The following RARG variants were observed in gnomAD, a reference collection of about 807,000 sequenced individuals.
RARG encodes the protein retinoic acid receptor gamma.
RARG carries 17 observed loss-of-function variants against 43.7 expected under a neutral mutation model. The observed-to-expected ratio is 0.39, with a 90% CI of 0.27 to 0.58. The LOEUF (loss-of-function observed/expected upper bound fraction) is 0.58. Ranked by LOEUF, RARG falls within the 20% of genes least tolerant of loss-of-function variation. The pLI is 0.57. For synonymous variants in RARG, 238 were observed against 236.4 expected (o/e 1.01, Z -0.06); for missense variants, 346 against 598.7 (o/e 0.58, Z 4.40).
chr12:53,231,869 G>C, intron 1 of RARG, 105 bp downstream of exon 1: 1 of 390,518 alleles, frequency 2.6e-6, no homozygotes, highest in Non-Finnish European at 4.5e-6. Context: ...GGCCAGCCTC[G>C]GGAGGGCATT....
rs1171720319 is a variant in RARG, at chr12:53,213,303, C to G, written c.1019-60G>C. On this transcript the variant is annotated intron_variant, in intron 8 of 9. Transcript: ENST00000425354. The surrounding 1 kb of genome is among the most constrained non-coding windows in gnomAD (Gnocchi z 4.7). ...GGAAGAGATGGGGAAGACACAGTGA[C>G]AGATGGCTGATCACCAACCGGCGTT... 1 of 1,505,388 alleles carries G rather than the reference C, an allele frequency of 6.6e-7. No homozygotes were observed. The highest frequency in any genetic ancestry group is 9.2e-7 in the Non-Finnish European group (1 of 1,091,260). 93.3% of individuals were successfully genotyped at this position (1,505,388 alleles called of 1,614,324 possible). A position where few individuals can be genotyped will look rare whatever the true frequency, so the allele number is the denominator to read the frequency against.
At chr12:53,216,865 T>C (rs556293347) in intron 3 of RARG, among the ~76,000 whole-genome samples, 2 of 147,924 alleles carry the variant, frequency 1.4e-5, no homozygotes, top group East Asian at 2.0e-4. Context: ...CGCGCGCGTG[T>C]GGTTGGTCTT....
Position 53,228,865 on chromosome 12 carries a change from G to A in RARG, c.-142-1178C>T, listed in dbSNP as rs377138802. On this transcript the variant is annotated intron_variant, in intron 2 of 9. Coordinates refer to ENST00000425354, the MANE Select transcript of RARG (RefSeq NM_000966.6). ...CTGGGATTACAGGCGTGAGCGACAC[G>A]CCCGGGCATTCTGCCTCCTTTTCTT... Among the ~76,000 whole-genome samples, 17 of 152,146 alleles carry A rather than the reference G, an allele frequency of 1.1e-4. 1 individual carries two copies. In the South Asian group the frequency reaches 2.1e-3, roughly 19 times the overall value.
chr12:53,211,862 T>C lies in RARG; in HGVS notation c.1179A>G (p.Gly393=). The change falls in exon 10 of 10, where the codon GGA becomes GGG. Residue 393 remains glycine, a splice_region_variant and synonymous_variant. Coordinates refer to ENST00000425354, the MANE Select transcript of RARG (RefSeq NM_000966.6). This position sits in a 1 kb window ranked among gnomAD's most constrained non-coding sequence, Gnocchi z 4.6. ...TCTTCAGAGTAATGGCCCTTTCAGC[T>C]CCTACAATGGAGAGAGAAAGAGAGA... ...ITDLRGISTK[G]AERAITLKME... is the part of the protein sequence containing the mutation. 1 of 1,451,482 alleles carries C rather than the reference T, an allele frequency of 6.9e-7. No individual in the cohort carries two copies. Among genetic ancestry groups the C allele is most frequent in the Non-Finnish European group, 9.2e-7 (1 of 1,090,068 alleles). The allele number at this position is 1,451,482 out of a possible 1,614,324, so 89.9% of individuals were successfully genotyped here. A position where few individuals can be genotyped will look rare whatever the true frequency, so the allele number is the denominator to read the frequency against.
intron 3 of RARG, among the ~76,000 whole-genome samples, chr12:53,219,400 C>A (rs997690264): frequency 7.2e-5 from 11 of 152,194 alleles, no homozygotes; most frequent in Non-Finnish European, 1.3e-4. Flanking sequence ...ACCGCCCCCG[C>A]AGCCACGCAG....
intron 3 of RARG, among the ~76,000 whole-genome samples, chr12:53,217,909 T>C (rs886971333): frequency 4.6e-5 from 7 of 152,106 alleles, no homozygotes; most frequent in Non-Finnish European, 8.8e-5. Context: ...GGACTCACAA[T>C]CTAGCACACA....
chr12:53,215,684 C>T lies in RARG; in HGVS notation c.295G>A (p.Gly99Ser). ...CAAGAGCTGACCCCATAGTGGTAGC[C>T]AGAGGACTTGTCATTGCACACGAAG... Reference protein sequence around the residue: ...PCFVCNDKSSGYHYGVSSCEG... With the variant: ...PCFVCNDKSSSYHYGVSSCEG... Residue 99 changes from glycine to serine, a missense_variant, in exon 4 of 10, where the codon GGC becomes AGC. Physicochemically the swap from Gly to Ser is moderately conservative, Grantham distance 56. Coordinates refer to ENST00000425354, the MANE Select transcript of RARG (RefSeq NM_000966.6). The surrounding 1 kb of genome is among the most constrained non-coding windows in gnomAD (Gnocchi z 6.4). The T allele has an allele frequency of 6.2e-7, 1 of 1,613,860 alleles. No homozygotes were observed.
chr12:53,214,244 G>T lies in RARG; in HGVS notation c.637-9C>A. 2 of 1,610,646 alleles carry T rather than the reference G, an allele frequency of 1.2e-6. No homozygotes were observed. Among genetic ancestry groups the T allele is most frequent in the Non-Finnish European group, 1.7e-6 (2 of 1,177,040 alleles). On this transcript the variant is annotated splice_polypyrimidine_tract_variant and intron_variant, in intron 6 of 9. Transcript: ENST00000425354. ...TGGTCTGCACTGGAGTTCTGCAGAG[G>T]GGAGGGGTAGAAGGTTGGAAGGCAA...
In RARG at chr12:53,211,662, G is replaced by A; in HGVS notation, c.*14C>T. On this transcript the variant is annotated 3_prime_UTR_variant, in exon 10 of 10. Transcript: ENST00000425354. The surrounding 1 kb of genome is among the most constrained non-coding windows in gnomAD (Gnocchi z 4.6). The stretch of plus-strand genomic sequence containing the variant: ...AAGCCCCAACCCCCACAGCGGGGAG[G>A]TCAGGGGCCCTGGTCAGGCTGGGGA... The A allele has an allele frequency of 6.8e-7, 1 of 1,462,662 alleles. No homozygotes were observed. Among genetic ancestry groups the A allele is most frequent in the Non-Finnish European group, 9.0e-7 (1 of 1,108,678 alleles). 90.6% of individuals were successfully genotyped at this position (1,462,662 alleles called of 1,614,324 possible).
rs186012858 is a variant in RARG, at chr12:53,214,871, G to A, written c.476-265C>T. The stretch of plus-strand genomic sequence containing the variant: ...CCTTCCTGTCACCCTGCAGGAGCTG[G>A]GGGAGGGGGGGCAGGATATGCAGGC... On this transcript the variant is annotated intron_variant, in intron 5 of 9. Transcript: ENST00000425354. The A allele has an allele frequency of 6.2e-4, 282 of 457,020 alleles. 1 individual carries two copies. Among genetic ancestry groups the A allele is most frequent in the African/African-American group, 3.4e-3 (173 of 51,254 alleles). 28.3% of individuals were successfully genotyped at this position (457,020 alleles called of 1,614,324 possible). A position where few individuals can be genotyped will look rare whatever the true frequency, so the allele number is the denominator to read the frequency against.
At chr12:53,225,929 C>CGCTGGA (rs1276708181) in intron 3 of RARG, among the ~76,000 whole-genome samples, 29 of 152,186 alleles carry the variant, frequency 1.9e-4, no homozygotes, top group Admixed American at 1.0e-3. Context: ...AGATCCACAT[C>CGCTGGA]GCTGGAGGAG....
Position 53,213,162 on chromosome 12 carries a change from C to T in RARG, c.1100G>A (p.Arg367His), listed in dbSNP as rs747661662. 14 of 1,613,556 alleles carry T rather than the reference C, an allele frequency of 8.7e-6. No individual in the cohort carries two copies. Among genetic ancestry groups the T allele is most frequent in the Non-Finnish European group, 1.1e-5 (13 of 1,179,466 alleles). ...LLEALRLYAR[R>H]RRPSQPYMFP... Reference sequence around the variant, plus strand: ...CATGTAGGGCTGGCTGGGCCGCCGGCGCCGGGCGTACAGCCTCAGGGCTTC... The same window carrying T: ...CATGTAGGGCTGGCTGGGCCGCCGGTGCCGGGCGTACAGCCTCAGGGCTTC... The change falls in exon 9 of 10, where the codon CGC becomes CAC. Residue 367 changes from arginine (R) to histidine (H), a missense_variant. Transcript: ENST00000425354. This position sits in a 1 kb window ranked among gnomAD's most constrained non-coding sequence, Gnocchi z 4.7.
rs1288464395 is a variant in RARG at position 53,232,049 on chromosome 12, C to T, written c.-285G>A. ...GGGCAGTCTCTTGGATGGAGCGTCG[C>T]AATGTCCGGGGCTCGCCGTACTGGG... On this transcript the variant is annotated 5_prime_UTR_variant, in exon 1 of 10. Coordinates refer to ENST00000425354, the MANE Select transcript of RARG (RefSeq NM_000966.6). 2.5e-6 allele frequency: 1 copy of T among 398,314 alleles called. No homozygotes were observed. The highest frequency in any genetic ancestry group is 4.4e-6 in the Non-Finnish European group (1 of 225,966). 24.7% of individuals were successfully genotyped at this position (398,314 alleles called of 1,614,324 possible). A position where few individuals can be genotyped will look rare whatever the true frequency, so the allele number is the denominator to read the frequency against.
chr12:53,214,947 G>A, intron 5 of RARG: 2 of 393,444 alleles, frequency 5.1e-6, no homozygotes, highest in South Asian at 4.3e-5. Flanking sequence ...CGAGGGGGGG[G>A]TGGAGAGGAG....
chr12:53,213,470 G>A lies in RARG; in HGVS notation c.1018+26C>T. 6.2e-7 allele frequency: 1 copy of A among 1,609,188 alleles called. No homozygotes were observed. Among genetic ancestry groups the A allele is most frequent in the Non-Finnish European group, 8.5e-7 (1 of 1,177,638 alleles). On this transcript the variant is annotated intron_variant, in intron 8 of 9. Coordinates refer to ENST00000425354, the MANE Select transcript of RARG (RefSeq NM_000966.6). The surrounding 1 kb of genome is among the most constrained non-coding windows in gnomAD (Gnocchi z 4.7). ...GGTGGGAAAGGAGACTGAGCACTGAGCAGACGCCAGGGGGCGCCCCCGCAC... is the reference window on the plus strand; with the variant it reads ...GGTGGGAAAGGAGACTGAGCACTGAACAGACGCCAGGGGGCGCCCCCGCAC...
intron 3 of RARG, among the ~76,000 whole-genome samples, chr12:53,223,528 C>CCG (rs1943033863): frequency 6.7e-6 from 1 of 149,068 alleles, no homozygotes; most frequent in South Asian, 2.3e-4. Flanking sequence ...CCCCCGCCCC[C>CCG]CCCCCGCCCA....
At chr12:53,221,920 GGGGGCGCACTGGGGTGCTGCAGGAGT>G (rs975642236) in intron 3 of RARG, among the ~76,000 whole-genome samples, 9 of 151,882 alleles carry the variant, frequency 5.9e-5, no homozygotes, top group Non-Finnish European at 1.3e-4. Flanking sequence ...GTACCGGGTG[GGGGGCGCACTGGGGTGCTGCAGGAGT>G]GGGGCGCCTG....
intron 3 of RARG, among the ~76,000 whole-genome samples, chr12:53,223,434 G>A (rs1380205590): frequency 6.6e-6 from 1 of 151,486 alleles, no homozygotes; most frequent in Non-Finnish European, 1.5e-5. Context: ...GAGGCGCGTT[G>A]GGCAGGATGG....
At position 53,227,218 on chromosome 12, in the gene RARG, T is replaced by A. The variant is rs1943129878; in HGVS notation, c.184+144A>T. The stretch of plus-strand genomic sequence containing the variant: ...TCCTTCCTCACCACCACTACCACCC[T>A]CCATTATTCACTACTACTCCATTAG... On this transcript the variant is annotated intron_variant, in intron 3 of 9. Coordinates refer to ENST00000425354, the MANE Select transcript of RARG (RefSeq NM_000966.6). This position sits in a 1 kb window ranked among gnomAD's most constrained non-coding sequence, Gnocchi z 4.3. The A allele has an allele frequency of 3.8e-6, 3 of 782,748 alleles. No individual in the cohort carries two copies. In the South Asian group the frequency reaches 8.2e-5, roughly 21 times the overall value. The allele number at this position is 782,748 out of a possible 1,614,324, so 48.5% of individuals were successfully genotyped here.
Sources: gnomAD v4.1 joint callset for allele counts (sites outside exome capture counted in the v4.1 genomes callset) on GRCh38, gnomAD v4.1.1 for gene constraint, Gnocchi (gnomAD v3.1) non-coding constraint, MANE v1.5 for transcripts, NCBI Gene and HGNC (gene_info 2026-07-23, HGNC 2026-07-21) for gene names.